The following BNIP3 variants were observed in gnomAD, a reference collection of about 807,000 sequenced individuals.
BNIP3 encodes BCL2/adenovirus E1B 19 kDa protein-interacting protein 3.
Under a neutral mutation model 23.9 loss-of-function variants are expected in BNIP3, and 16 were observed. The ratio of observed to expected loss-of-function variants is 0.67; its 90% confidence interval spans 0.45 to 1.01. The LOEUF (loss-of-function observed/expected upper bound fraction) is 1.01. Among genes scored for constraint, BNIP3 ranks in the 50% least tolerant of loss-of-function variants. The pLI is 0.00. For synonymous variants in BNIP3, 81 were observed against 89.3 expected (o/e 0.91, Z 0.53); for missense variants, 198 against 248.7 (o/e 0.80, Z 1.37).
Position 131,981,758 on chromosome 10 carries a change from C to T in BNIP3, c.46+3G>A. On this transcript the variant is annotated splice_donor_region_variant and intron_variant, in intron 1 of 5. Coordinates refer to ENST00000368636, the MANE Select transcript of BNIP3 (RefSeq NM_004052.4). The stretch of plus-strand genomic sequence containing the variant: ...GGCTCCCGCGCCGCCTCCTCCGCCT[C>T]ACCCTGCAGGCTCTCCTCCTGCATC... 2 of 1,474,688 alleles carry T rather than the reference C, an allele frequency of 1.4e-6. No homozygotes were observed. The highest frequency in any genetic ancestry group is 1.8e-6 in the Non-Finnish European group (2 of 1,117,808). The allele number at this position is 1,474,688 out of a possible 1,614,324, so 91.4% of individuals were successfully genotyped here.
At chr10:131,969,813 C>T (rs946662953) in intron 5 of BNIP3, 1 of 152,286 alleles carries the variant, frequency 6.6e-6, no homozygotes, top group Non-Finnish European at 1.5e-5. Flanking sequence ...TGGCTCTTCA[C>T]CACCGCTGCG....
chr10:131,970,591 C>T lies in BNIP3; in HGVS notation c.539+47G>A, dbSNP rs370186253. 18 of 1,595,482 alleles carry T rather than the reference C, an allele frequency of 1.1e-5. No individual in the cohort carries two copies. The highest frequency in any genetic ancestry group is 1.5e-5 in the Non-Finnish European group (18 of 1,170,096). On this transcript the variant is annotated intron_variant, in intron 5 of 5. Transcript: ENST00000368636. The surrounding 1 kb of genome is among the most constrained non-coding windows in gnomAD (Gnocchi z 4.1). ...CGAATAAATCACTGCAACCCAGAAT[C>T]GCCCCACGACATGCCATGACAGGAG...
At chr10:131,980,482 C>T (rs2037111137) in intron 1 of BNIP3, 1 of 151,730 alleles carries the variant, frequency 6.6e-6, no homozygotes, top group Non-Finnish European at 1.5e-5. Context: ...CCTGGTGGCT[C>T]AGGCCTATAA....
rs1374495506 is a variant in BNIP3 at position 131,970,566 on chromosome 10, C to T, written c.539+72G>A. The T allele has an allele frequency of 2.7e-5, 42 of 1,547,076 alleles. No individual in the cohort carries two copies. The highest frequency in any genetic ancestry group is 3.4e-5 in the Non-Finnish European group (39 of 1,140,958). ...GATCTGGACTTCAGGAAACAGGTTACGAATAAATCACTGCAACCCAGAATC... is the reference window on the plus strand; with the variant it reads ...GATCTGGACTTCAGGAAACAGGTTATGAATAAATCACTGCAACCCAGAATC... On this transcript the variant is annotated intron_variant, in intron 5 of 5. Coordinates refer to ENST00000368636, the MANE Select transcript of BNIP3 (RefSeq NM_004052.4). The surrounding 1 kb of genome is among the most constrained non-coding windows in gnomAD (Gnocchi z 4.1).
intron 2 of BNIP3, chr10:131,973,484 C>T (rs1306012976): frequency 2.1e-6 from 1 of 474,930 alleles, no homozygotes; most frequent in Non-Finnish European, 3.8e-6. Flanking sequence ...TAACCAGGGA[C>T]CGCTCCTCCT....
chr10:131,981,613 T>G, intron 1 of BNIP3, 148 bp downstream of exon 1: 1 of 1,015,210 alleles, frequency 9.9e-7, no homozygotes, highest in South Asian at 2.7e-5. Context: ...GCAGGAGGGG[T>G]GGGTACGGAA....
chr10:131,977,881 A>G (rs2037092007), intron 1 of BNIP3, among the ~76,000 whole-genome samples: 1 of 152,212 alleles, frequency 6.6e-6, no homozygotes, highest in African/African-American at 2.4e-5. Flanking sequence ...GAGTTTTATT[A>G]TTAACCCACA....
intron 1 of BNIP3, among the ~76,000 whole-genome samples, 178 bp downstream of exon 1, chr10:131,981,583 G>GC (rs1236609115): frequency 1.3e-5 from 2 of 152,210 alleles, no homozygotes; most frequent in African/African-American, 4.8e-5. Flanking sequence ...GGGTCCCCAC[G>GC]CCCCGGGCTC....
At chr10:131,973,487 C>G in intron 2 of BNIP3, 1 of 480,644 alleles carries the variant, frequency 2.1e-6, no homozygotes, top group Non-Finnish European at 3.8e-6. Flanking sequence ...CCAGGGACCG[C>G]TCCTCCTGCG....
intron 1 of BNIP3, among the ~76,000 whole-genome samples, chr10:131,978,627 C>T (rs993340129): frequency 3.9e-5 from 6 of 152,208 alleles, no homozygotes; most frequent in African/African-American, 1.4e-4. Flanking sequence ...AACCTCAACT[C>T]TGGCTATGAA....
chr10:131,973,625 G>T, intron 2 of BNIP3, 168 bp downstream of exon 2: 2 of 850,772 alleles, frequency 2.4e-6, no homozygotes, highest in Non-Finnish European at 3.6e-6. Context: ...CCCCAAAGAG[G>T]GCGAGGCTCC....
chr10:131,980,517 C>G (rs1272346795), intron 1 of BNIP3: 3 of 146,884 alleles, frequency 2.0e-5, no homozygotes, highest in Admixed American at 1.4e-4. Flanking sequence ...GAGGCCGAGG[C>G]GGGAGGATCG....
At chr10:131,971,135 T>C in intron 3 of BNIP3, 165 bp from the exon 4 acceptor site, 1 of 656,858 alleles carries the variant, frequency 1.5e-6, no homozygotes, top group Non-Finnish European at 2.6e-6. Context: ...GCTGGGGGCC[T>C]TCCCCGGGCC....
At chr10:131,974,419 G>A (rs190361783) in intron 1 of BNIP3, among the ~76,000 whole-genome samples, 372 of 152,298 alleles carry the variant, frequency 2.4e-3, no homozygotes, top group Middle Eastern at 6.8e-3. Context: ...ACGGAGTCTC[G>A]CTTTGTCACC....
rs2037014917 is a variant in BNIP3, at chr10:131,970,216, G to C, written c.539+422C>G. ...ACTGCATTGGTTCCTTCATTGCTGA[G>C]AGTTACTAGAACAACAGTCCTGTCT... is the stretch of plus-strand genomic sequence containing the variant. On this transcript the variant is annotated intron_variant, in intron 5 of 5. Transcript: ENST00000368636. The surrounding 1 kb of genome is among the most constrained non-coding windows in gnomAD (Gnocchi z 4.1). The C allele has an allele frequency of 5.5e-6, 1 of 182,304 alleles. No homozygotes were observed. The highest frequency in any genetic ancestry group is 5.7e-5 in the Admixed American group (1 of 17,656). The allele number at this position is 182,304 out of a possible 1,614,324, so 11.3% of individuals were successfully genotyped here.
Position 131,976,522 on chromosome 10 carries a change from C to CTTACAT in BNIP3, c.47-2585_47-2580dup, listed in dbSNP as rs1343713158. 6.6e-6 allele frequency among the ~76,000 whole-genome samples: 1 copy of CTTACAT among 152,196 alleles called. No individual in the cohort carries two copies. The highest frequency in any genetic ancestry group is 1.5e-5 in the Non-Finnish European group (1 of 68,034). On this transcript the variant is annotated intron_variant, in intron 1 of 5. Coordinates refer to ENST00000368636, the MANE Select transcript of BNIP3 (RefSeq NM_004052.4). The surrounding 1 kb of genome is among the most constrained non-coding windows in gnomAD (Gnocchi z 4.3). ...TCACAGAACTCAGAAAAACTCTTTA[C>CTTACAT]TTACATTTATCAGTTTACCAGAAAC...
chr10:131,979,799 C>T (rs2037105031), intron 1 of BNIP3, among the ~76,000 whole-genome samples: 3 of 152,234 alleles, frequency 2.0e-5, no homozygotes, highest in Admixed American at 2.0e-4. Flanking sequence ...GCAGTTGGCC[C>T]CAGAGGGTAC....
At chr10:131,981,718 C>T (rs1319463449) in intron 1 of BNIP3, 43 bp downstream of exon 1, 2 of 1,461,476 alleles carry the variant, frequency 1.4e-6, no homozygotes, top group Non-Finnish European at 1.8e-6. Flanking sequence ...CCAGGCTTCC[C>T]CCCCGCGCCC....
rs1205438927 is a variant in BNIP3 at position 131,981,877 on chromosome 10, G to A, written c.-71C>T. 6 of 1,376,172 alleles carry A rather than the reference G, an allele frequency of 4.4e-6. No individual in the cohort carries two copies. In the East Asian group the frequency reaches 9.2e-5, roughly 21 times the overall value. The allele number at this position is 1,376,172 out of a possible 1,614,324, so 85.2% of individuals were successfully genotyped here. On this transcript the variant is annotated 5_prime_UTR_variant, in exon 1 of 6. Coordinates refer to ENST00000368636, the MANE Select transcript of BNIP3 (RefSeq NM_004052.4). ...GGGATGTGCTTCAGCTGCGGGCGGTGGGAAAGCGGAGGTCGGAGCGCCGCG... is the reference window on the plus strand; with the variant it reads ...GGGATGTGCTTCAGCTGCGGGCGGTAGGAAAGCGGAGGTCGGAGCGCCGCG...
Sources: gnomAD v4.1 joint callset for allele counts (sites outside exome capture counted in the v4.1 genomes callset) on GRCh38, gnomAD v4.1.1 for gene constraint, Gnocchi (gnomAD v3.1) non-coding constraint, MANE v1.5 for transcripts, NCBI Gene and HGNC (gene_info 2026-07-23, HGNC 2026-07-21) for gene names.